IRGQ: variants seen among roughly 807,000 people sequenced by gnomAD.
IRGQ encodes the protein immunity-related GTPase family Q protein.
IRGQ carries 5 observed loss-of-function variants against 10.5 expected under a neutral mutation model. The ratio of observed to expected loss-of-function variants is 0.48; its 90% CI spans 0.25 to 1.00. IRGQ has a LOEUF of 1.00. Among genes scored for constraint, IRGQ ranks in the 50% least tolerant of loss-of-function variants. IRGQ has a pLI of 0.16. For synonymous variants in IRGQ, 418 were observed against 426.0 expected (o/e 0.98, Z 0.23); for missense variants, 792 against 877.7 (o/e 0.90, Z 1.23).
Position 43,595,331 on chromosome 19 carries a change from G to T in IRGQ, c.8C>A (p.Pro3Gln). The change falls in exon 2 of 3, where the codon CCG becomes CAG. Residue 3 changes from proline (P) to glutamine (Q), a missense_variant. Pro to Gln is a moderately conservative substitution (Grantham distance 76, BLOSUM62 -1). Coordinates refer to ENST00000422989, the MANE Select transcript of IRGQ (RefSeq NM_001007561.3). MPPPQGDVTALFL... is the reference protein window; with the variant it reads MPQPQGDVTALFL... ...CAAGGCGGTCACGTCACCCTGCGGC[G>T]GAGGCATGGCTGGAAAGCAACGGGT... The T allele has an allele frequency of 6.5e-7, 1 of 1,549,928 alleles. No individual in the cohort carries two copies. The highest frequency in any genetic ancestry group is 8.7e-7 in the Non-Finnish European group (1 of 1,150,808).
At position 43,590,857 on chromosome 19, in the gene IRGQ, G is replaced by C. The variant is rs1973046476; in HGVS notation, c.*1169C>G. On this transcript the variant is annotated 3_prime_UTR_variant, in exon 3 of 3. Coordinates refer to ENST00000422989, the MANE Select transcript of IRGQ (RefSeq NM_001007561.3). ...CCCAGTCACACTCACAGAGGCAGTT[G>C]CCGGGATCCCAATACAAGGTTTGGA... 1 of 152,210 alleles carries C rather than the reference G, an allele frequency of 6.6e-6. No individual in the cohort carries two copies. Among genetic ancestry groups the C allele is most frequent in the East Asian group, 1.9e-4 (1 of 5,196 alleles). The allele number at this position is 152,210 out of a possible 1,614,324, so 9.4% of individuals were successfully genotyped here.
chr19:43,595,386 C>T (rs116968052), intron 1 of IRGQ, 46 bp from the exon 2 acceptor site: 28,996 of 1,493,532 alleles, frequency 0.019, 381 homozygotes, highest in Non-Finnish European at 0.023. Context: ...GAGCACCTAG[C>T]CTTTTCCTTT....
At chr19:43,594,654 C>G (rs1471105356) in intron 2 of IRGQ, among the ~76,000 whole-genome samples, 155 bp downstream of exon 2, 1 of 151,904 alleles carries the variant, frequency 6.6e-6, no homozygotes, top group Admixed American at 6.5e-5. Flanking sequence ...GCCAACATAG[C>G]GAGACCCTGT....
rs1351818284 is a variant in IRGQ, at chr19:43,590,344, G to A, written c.*1682C>T. ...GCCCTCTCTGGACTTTGCTCTTTCT[G>A]TCTACGACAAAAGGGATTCTATCGC... On this transcript the variant is annotated 3_prime_UTR_variant, in exon 3 of 3. Transcript: ENST00000422989. 3.9e-5 allele frequency: 6 copies of A among 152,196 alleles called. No individual in the cohort carries two copies. The highest frequency in any genetic ancestry group is 5.9e-5 in the Non-Finnish European group (4 of 68,072). 9.4% of individuals were successfully genotyped at this position (152,196 alleles called of 1,614,324 possible).
Position 43,592,602 on chromosome 19 carries a change from G to T in IRGQ, c.1296C>A (p.Phe432Leu), listed in dbSNP as rs76873184. Residue 432 changes from phenylalanine to leucine, a missense_variant, in exon 3 of 3, where the codon TTC becomes TTA. Transcript: ENST00000422989. Reference protein sequence around the residue: ...EVLEEAPPPVFPLRPGGLPGL... With the variant: ...EVLEEAPPPVLPLRPGGLPGL... ...CTGGGAGTCCGCCAGGCCGTAGGGG[G>T]AACACTGGCGGCGGCGCCTCCTCCA... 1.4e-3 allele frequency: 2,246 copies of T among 1,601,118 alleles called. 30 individuals are homozygous for T. In the African/African-American group the frequency reaches 0.026, roughly 19 times the overall value.
rs1269173259 is a variant in IRGQ at position 43,586,058 on chromosome 19, T to C, written c.*5968A>G. 1 of 152,230 alleles carries C rather than the reference T, an allele frequency of 6.6e-6. No individual in the cohort carries two copies. Among genetic ancestry groups the C allele is most frequent in the African/African-American group, 2.4e-5 (1 of 41,464 alleles). The allele number at this position is 152,230 out of a possible 1,614,324, so 9.4% of individuals were successfully genotyped here. A position where few individuals can be genotyped will look rare whatever the true frequency, so the allele number is the denominator to read the frequency against. ...AAATCCCTCCATCATTATCCAGGCATGGATGGAACTCTGCTGTGGTGAGGA... is the reference window on the plus strand; with the variant it reads ...AAATCCCTCCATCATTATCCAGGCACGGATGGAACTCTGCTGTGGTGAGGA... On this transcript the variant is annotated 3_prime_UTR_variant, in exon 3 of 3. Transcript: ENST00000422989.
Position 43,592,148 on chromosome 19 carries a change from C to G in IRGQ, c.1750G>C (p.Gly584Arg), listed in dbSNP as rs1242136659. Residue 584 changes from glycine (G) to arginine (R), a missense_variant, in exon 3 of 3, where the codon GGT becomes CGT. Transcript: ENST00000422989. ...LGALSFLWPA[G>R]GAAATGGLGY... Reference sequence around the variant, plus strand: ...AGGCCACCTGTCGCCGCTGCACCACCCGCAGGCCACAGGAAGGAGAGAGCC... The same window carrying G: ...AGGCCACCTGTCGCCGCTGCACCACGCGCAGGCCACAGGAAGGAGAGAGCC... The G allele has an allele frequency of 6.2e-7, 1 of 1,609,758 alleles. No homozygotes were observed. The highest frequency in any genetic ancestry group is 1.3e-5 in the African/African-American group (1 of 74,914).
Position 43,587,731 on chromosome 19 carries a change from C to T in IRGQ, c.*4295G>A, listed in dbSNP as rs1400915421. ...GACTAGCCTGGCCAACATGGCGAAA[C>T]CCCATCTCTAACCAAAAATACAAAA... is the stretch of plus-strand genomic sequence containing the variant. On this transcript the variant is annotated 3_prime_UTR_variant, in exon 3 of 3. Coordinates refer to ENST00000422989, the MANE Select transcript of IRGQ (RefSeq NM_001007561.3). 1 of 151,912 alleles carries T rather than the reference C, an allele frequency of 6.6e-6. No homozygotes were observed. Among genetic ancestry groups the T allele is most frequent in the Non-Finnish European group, 1.5e-5 (1 of 68,002 alleles). 9.4% of individuals were successfully genotyped at this position (151,912 alleles called of 1,614,324 possible). A position where few individuals can be genotyped will look rare whatever the true frequency, so the allele number is the denominator to read the frequency against.
chr19:43,592,992 G>C lies in IRGQ; in HGVS notation c.906C>G (p.Leu302=). The change falls in exon 3 of 3, where the codon CTC becomes CTG. Residue 302 remains leucine, a synonymous_variant. Coordinates refer to ENST00000422989, the MANE Select transcript of IRGQ (RefSeq NM_001007561.3). ...SHPTHYDALI[L]VTPGAPTEKD... is the part of the protein sequence containing the mutation. Reference sequence around the variant, plus strand: ...TCTCAGTGGGGGCCCCAGGGGTGACGAGGATGAGGGCGTCGTAGTGCGTTG... The same window carrying C: ...TCTCAGTGGGGGCCCCAGGGGTGACCAGGATGAGGGCGTCGTAGTGCGTTG... The C allele has an allele frequency of 6.2e-7, 1 of 1,608,748 alleles. No homozygotes were observed. The highest frequency in any genetic ancestry group is 8.5e-7 in the Non-Finnish European group (1 of 1,179,520).
At position 43,592,640 on chromosome 19, in the gene IRGQ, T is replaced by C; in HGVS notation, c.1258A>G (p.Thr420Ala). 6.2e-7 allele frequency: 1 copy of C among 1,603,946 alleles called. No individual in the cohort carries two copies. The highest frequency in any genetic ancestry group is 1.3e-5 in the African/African-American group (1 of 75,024). The change falls in exon 3 of 3, where the codon ACG becomes GCG. Residue 420 changes from threonine to alanine, a missense_variant. Thr to Ala is a moderately conservative substitution (Grantham distance 58, BLOSUM62 0). Coordinates refer to ENST00000422989, the MANE Select transcript of IRGQ (RefSeq NM_001007561.3). ...RAAALSPEDE[T>A]WEVLEEAPPP... Reference sequence around the variant, plus strand: ...GGCGCCTCCTCCAGCACCTCCCACGTCTCGTCCTCCGGGCTTAACGCAGCG... The same window carrying C: ...GGCGCCTCCTCCAGCACCTCCCACGCCTCGTCCTCCGGGCTTAACGCAGCG...
In IRGQ at chr19:43,593,441, G is replaced by A; in HGVS notation, c.531-74C>T. 7.2e-7 allele frequency: 1 copy of A among 1,397,508 alleles called. No individual in the cohort carries two copies. Among genetic ancestry groups the A allele is most frequent in the Non-Finnish European group, 9.4e-7 (1 of 1,061,384 alleles). The allele number at this position is 1,397,508 out of a possible 1,614,324, so 86.6% of individuals were successfully genotyped here. On this transcript the variant is annotated intron_variant, in intron 2 of 2. Transcript: ENST00000422989. The surrounding 1 kb of genome is among the most constrained non-coding windows in gnomAD (Gnocchi z 6.4). The stretch of plus-strand genomic sequence containing the variant: ...GACATGGACTGGGCTATGATGACAA[G>A]GGCAGAGCTTTCCTAATGATCCCAG...
Position 43,592,406 on chromosome 19 carries a change from G to C in IRGQ, c.1492C>G (p.Pro498Ala). Residue 498 changes from proline to alanine, a missense_variant, in exon 3 of 3, where the codon CCA becomes GCA. Transcript: ENST00000422989. ...ACGTCGCATGCCCAGCCCAGCCCTG[G>C]GAGTGGTGCCGCCGCCGCCGCCAGA... ...ASLAAAAAPL[P>A]GLGWACDVAL... 1 of 1,576,894 alleles carries C rather than the reference G, an allele frequency of 6.3e-7. No homozygotes were observed. Among genetic ancestry groups the C allele is most frequent in the Non-Finnish European group, 8.6e-7 (1 of 1,169,400 alleles).
rs918130397 is a variant in IRGQ, at chr19:43,596,000, A to G, written c.-21T>C. On this transcript the variant is annotated 5_prime_UTR_variant, in exon 1 of 3. Coordinates refer to ENST00000422989, the MANE Select transcript of IRGQ (RefSeq NM_001007561.3). ...CACCAACCGAGCAAAAAGCCGACCC[A>G]CGGGAGAGAGCGCAGTCGGTGGCAG... 3.3e-5 allele frequency: 5 copies of G among 152,118 alleles called. No homozygotes were observed. The highest frequency in any genetic ancestry group is 7.4e-5 in the Non-Finnish European group (5 of 68,018). The allele number at this position is 152,118 out of a possible 1,614,324, so 9.4% of individuals were successfully genotyped here. A position where few individuals can be genotyped will look rare whatever the true frequency, so the allele number is the denominator to read the frequency against.
In IRGQ at chr19:43,584,601, C is replaced by G. The variant is rs987088339; in HGVS notation, c.*7425G>C. 5 of 152,292 alleles carry G rather than the reference C, an allele frequency of 3.3e-5. No homozygotes were observed. Among genetic ancestry groups the G allele is most frequent in the Non-Finnish European group, 5.9e-5 (4 of 68,014 alleles). 9.4% of individuals were successfully genotyped at this position (152,292 alleles called of 1,614,324 possible). ...TTAGTTGCTTTTGCTACATAACAAA[C>G]CACTCCAAAATTTAGTGGTTTAGAA... On this transcript the variant is annotated 3_prime_UTR_variant, in exon 3 of 3. Coordinates refer to ENST00000422989, the MANE Select transcript of IRGQ (RefSeq NM_001007561.3).
Position 43,592,902 on chromosome 19 carries a change from G to C in IRGQ, c.996C>G (p.Asp332Glu). 1 of 1,612,904 alleles carries C rather than the reference G, an allele frequency of 6.2e-7. No individual in the cohort carries two copies. Among genetic ancestry groups the C allele is most frequent in the Non-Finnish European group, 8.5e-7 (1 of 1,180,010 alleles). ...PDAPLVCVRT[D>E]GEGEDPECLG... ...GACACTCCGGATCCTCGCCCTCGCC[G>C]TCTGTGCGCACGCAGACAAGAGGCG... Residue 332 changes from aspartate to glutamate, a missense_variant, in exon 3 of 3, where the codon GAC becomes GAG. Coordinates refer to ENST00000422989, the MANE Select transcript of IRGQ (RefSeq NM_001007561.3).
In IRGQ at chr19:43,595,278, A is replaced by T. The variant is rs1023737033; in HGVS notation, c.61T>A (p.Ser21Thr). ...TCGCACAGCGCTGCGATCAGCGCGGACTTCCCCAAGCCCGGAGGCCCCAGG... is the reference window on the plus strand; with the variant it reads ...TCGCACAGCGCTGCGATCAGCGCGGTCTTCCCCAAGCCCGGAGGCCCCAGG... Reference protein sequence around the residue: ...LFLGPPGLGKSALIAALCDKD... With the variant: ...LFLGPPGLGKTALIAALCDKD... Residue 21 changes from serine to threonine, a missense_variant, in exon 2 of 3, where the codon TCC becomes ACC. Physicochemically the swap from Ser to Thr is moderately conservative, Grantham distance 58. Transcript: ENST00000422989. The T allele has an allele frequency of 5.0e-6, 8 of 1,603,178 alleles. No homozygotes were observed. In the African/African-American group the frequency reaches 1.1e-4, roughly 22 times the overall value.
chr19:43,595,837 C>G (rs1973130408), intron 1 of IRGQ, 145 bp downstream of exon 1: 1 of 152,986 alleles, frequency 6.5e-6, no homozygotes, highest in African/African-American at 2.4e-5. Context: ...GTGATCACAC[C>G]ACCGCACTCC....
In IRGQ at chr19:43,592,184, C is replaced by T. The variant is rs1973065360; in HGVS notation, c.1714G>A (p.Ala572Thr). The T allele has an allele frequency of 3.7e-6, 6 of 1,602,138 alleles. No homozygotes were observed. The highest frequency in any genetic ancestry group is 5.1e-6 in the Non-Finnish European group (6 of 1,178,324). The change falls in exon 3 of 3, where the codon GCA (alanine) becomes ACA (threonine). Residue 572 changes from alanine (A) to threonine (T), a missense_variant. Transcript: ENST00000422989. ...AGGAAGGAGAGAGCCCCCAGTGCTG[C>T]GCCCCCAGCAGTGCCCTCGCCCGCC... ...AWAGEGTAGG[A>T]ALGALSFLWP...
rs1322631002 is a variant in IRGQ at position 43,587,571 on chromosome 19, T to G, written c.*4455A>C. 5 of 152,158 alleles carry G rather than the reference T, an allele frequency of 3.3e-5. No individual in the cohort carries two copies. The highest frequency in any genetic ancestry group is 7.3e-5 in the Non-Finnish European group (5 of 68,040). The allele number at this position is 152,158 out of a possible 1,614,324, so 9.4% of individuals were successfully genotyped here. ...TGTAAGTGTAAAATATATAACAGAT[T>G]TTGAAGACAGCACAAAAGAACGTAA... is the stretch of plus-strand genomic sequence containing the variant. On this transcript the variant is annotated 3_prime_UTR_variant, in exon 3 of 3. Coordinates refer to ENST00000422989, the MANE Select transcript of IRGQ (RefSeq NM_001007561.3).
Sources: allele counts gnomAD v4.1 joint callset (sites outside exome capture counted in the v4.1 genomes callset), GRCh38; gene constraint gnomAD v4.1.1; non-coding constraint Gnocchi (gnomAD v3.1); transcripts MANE v1.5; gene names NCBI Gene and HGNC (gene_info 2026-07-23, HGNC 2026-07-21).